Variants in KCNG3 observed in about 807,000 individuals in gnomAD.
The protein encoded by KCNG3 is voltage-gated potassium channel regulatory subunit KCNG3.
Under a neutral mutation model 29.0 loss-of-function variants are expected in KCNG3, and 15 were observed. The observed-to-expected ratio is 0.52, with a 90% CI of 0.35 to 0.80. The LOEUF is 0.80. Ranked by LOEUF, KCNG3 falls within the 30% of genes least tolerant of loss-of-function variation. KCNG3 has a pLI of 0.01. For missense variants in KCNG3, 512 were observed against 605.7 expected (o/e 0.85, Z 1.62); for synonymous variants, 322 against 248.9 (o/e 1.29, Z -2.76).
At chr2:42,488,159 T>A (rs1261793520) in intron 1 of KCNG3, among the ~76,000 whole-genome samples, 4 of 152,188 alleles carry the variant, frequency 2.6e-5, no homozygotes, top group African/African-American at 9.7e-5. Context: ...TTTTGAACCG[T>A]TTTTATATGA....
intron 1 of KCNG3, among the ~76,000 whole-genome samples, chr2:42,492,109 T>C (rs553143171): frequency 1.0e-3 from 155 of 152,340 alleles, no homozygotes; most frequent in African/African-American, 3.5e-3. Flanking sequence ...TTTACCCAAA[T>C]ACTGTTTTCT....
chr2:42,411,118 G>C, the KCNG3 span, among the ~76,000 whole-genome samples: 1 of 151,800 alleles, frequency 6.6e-6, no homozygotes, highest in African/African-American at 2.4e-5. Context: ...TAATCTTTTT[G>C]ATTTTCTGTT....
chr2:42,430,367 T>C, the KCNG3 span, among the ~76,000 whole-genome samples: 1 of 26,274 alleles, frequency 3.8e-5, no homozygotes, highest in African/African-American at 1.2e-4. Flanking sequence ...GTCTTAAAAA[T>C]AAATAAATAA....
chr2:42,432,955 A>G, the KCNG3 span, among the ~76,000 whole-genome samples: 1 of 147,378 alleles, frequency 6.8e-6, no homozygotes, highest in African/African-American at 2.5e-5. Flanking sequence ...AAAACAAAAA[A>G]ACAAAAAAAA....
intron 1 of KCNG3, among the ~76,000 whole-genome samples, chr2:42,456,145 A>C (rs1308452563): frequency 2.0e-5 from 3 of 152,164 alleles, no homozygotes; most frequent in Non-Finnish European, 4.4e-5. Context: ...AATGAAATTT[A>C]TTTATAACTT....
intron 1 of KCNG3, among the ~76,000 whole-genome samples, chr2:42,468,210 A>C (rs1023812162): frequency 1.3e-5 from 2 of 152,260 alleles, no homozygotes; most frequent in African/African-American, 4.8e-5. Context: ...CAAAGGTATT[A>C]TAAAGGTTGC....
chr2:42,437,993 G>A (rs948997806), downstream of KCNG3, among the ~76,000 whole-genome samples: 6 of 148,022 alleles, frequency 4.1e-5, no homozygotes, highest in South Asian at 2.2e-4. Context: ...CATAATAAAC[G>A]TTCCATTTTT....
chr2:42,467,167 T>C (rs563974965), intron 1 of KCNG3, among the ~76,000 whole-genome samples: 2 of 152,268 alleles, frequency 1.3e-5, no homozygotes, highest in South Asian at 4.1e-4. Context: ...ACCAAAATTT[T>C]CAGTTTTAGA....
Position 42,493,537 on chromosome 2 carries a change from C to T in KCNG3, c.-36G>A, listed in dbSNP as rs1039441534. The T allele has an allele frequency of 1.0e-4, 133 of 1,329,718 alleles. No individual in the cohort carries two copies. The highest frequency in any genetic ancestry group is 1.2e-4 in the Non-Finnish European group (127 of 1,047,290). 82.4% of individuals were successfully genotyped at this position (1,329,718 alleles called of 1,614,324 possible). On this transcript the variant is annotated 5_prime_UTR_variant, in exon 1 of 2. Transcript: ENST00000306078. ...CCGGGGGACTTTCGGCCCGAGGGCCCCGCTGCAGCCCCCCACCCCAAGCCG... is the reference window on the plus strand; with the variant it reads ...CCGGGGGACTTTCGGCCCGAGGGCCTCGCTGCAGCCCCCCACCCCAAGCCG...
chr2:42,492,075 A>T (rs1673892304), intron 1 of KCNG3, among the ~76,000 whole-genome samples: 1 of 152,186 alleles, frequency 6.6e-6, no homozygotes, highest in Non-Finnish European at 1.5e-5. Flanking sequence ...TTTCCCATTC[A>T]TCCTAGTAAA....
At chr2:42,491,102 T>C (rs1347384726) in intron 1 of KCNG3, among the ~76,000 whole-genome samples, 2 of 152,204 alleles carry the variant, frequency 1.3e-5, no homozygotes, top group Non-Finnish European at 2.9e-5. Flanking sequence ...ATTATACACA[T>C]ACATAAAATA....
Position 42,493,968 on chromosome 2 carries a change from G to A in KCNG3, c.-467C>T, listed in dbSNP as rs958127405. 6.5e-6 allele frequency: 1 copy of A among 153,704 alleles called. No homozygotes were observed. Among genetic ancestry groups the A allele is most frequent in the East Asian group, 1.9e-4 (1 of 5,228 alleles). The allele number at this position is 153,704 out of a possible 1,614,324, so 9.5% of individuals were successfully genotyped here. Reference sequence around the variant, plus strand: ...GGCGGCCGCCCCGCCGCCGTCCAGAGGCGAGAGGCAAAGTGAGCGGGTTCG... The same window carrying A: ...GGCGGCCGCCCCGCCGCCGTCCAGAAGCGAGAGGCAAAGTGAGCGGGTTCG... On this transcript the variant is annotated 5_prime_UTR_variant, in exon 1 of 2. Coordinates refer to ENST00000306078, the MANE Select transcript of KCNG3 (RefSeq NM_133329.6).
chr2:42,435,254 G>A, the KCNG3 span, among the ~76,000 whole-genome samples: 1 of 152,148 alleles, frequency 6.6e-6, no homozygotes, highest in Admixed American at 6.6e-5. Context: ...AGTGAGCCGA[G>A]ATCGCCCCAT....
chr2:42,403,621 C>CTTTTTTTT, the KCNG3 span, among the ~76,000 whole-genome samples: 12 of 134,374 alleles, frequency 8.9e-5, no homozygotes, highest in East Asian at 2.1e-4. Flanking sequence ...ACTTTTTTTT[C>CTTTTTTTT]TTTTTTTTTT....
chr2:42,452,523 G>A (rs6725693), intron 1 of KCNG3, among the ~76,000 whole-genome samples: 39,513 of 150,416 alleles, frequency 0.26, 5,903 homozygotes, highest in East Asian at 0.57. Context: ...CACCACCCCC[G>A]CTACCCTTCT....
At chr2:42,457,627 T>TCTCTCACA (rs1553327818) in intron 1 of KCNG3, among the ~76,000 whole-genome samples, 1 of 125,434 alleles carries the variant, frequency 8.0e-6, no homozygotes, top group African/African-American at 3.0e-5. Flanking sequence ...CAGGCAGATC[T>TCTCTCACA]CACACACACA....
chr2:42,473,847 A>G (rs1226826870), intron 1 of KCNG3, among the ~76,000 whole-genome samples: 5 of 152,178 alleles, frequency 3.3e-5, no homozygotes, highest in African/African-American at 1.2e-4. Flanking sequence ...TAGCACCAAC[A>G]TTTAAATAAA....
chr2:42,389,797 G>A, the KCNG3 span, among the ~76,000 whole-genome samples: 169 of 152,240 alleles, frequency 1.1e-3, 1 homozygote, highest in Non-Finnish European at 2.0e-3. Context: ...ATCCAGTCCA[G>A]GACACCACAC....
At chr2:42,447,102 G>A (rs1283350952) in intron 1 of KCNG3, among the ~76,000 whole-genome samples, 1 of 150,694 alleles carries the variant, frequency 6.6e-6, no homozygotes, top group Admixed American at 6.6e-5. Flanking sequence ...AAAGGGATGA[G>A]GAAGGGGAAG....
Sources: gnomAD v4.1 joint callset for allele counts (sites outside exome capture counted in the v4.1 genomes callset) on GRCh38, gnomAD v4.1.1 for gene constraint, MANE v1.5 for transcripts, NCBI Gene and HGNC (gene_info 2026-07-23, HGNC 2026-07-21) for gene names.